The following PTPRT variants were observed in gnomAD, a reference collection of about 807,000 sequenced individuals.
PTPRT encodes the protein protein tyrosine phosphatase receptor type T, also known as receptor-type tyrosine-protein phosphatase T.
In PTPRT, 56 loss-of-function variants were observed where a neutral mutation model predicts 176.8. The ratio of observed to expected loss-of-function variants is 0.32; its 90% confidence interval spans 0.26 to 0.40. The LOEUF (loss-of-function observed/expected upper bound fraction) is 0.40, where lower values mean the gene tolerates loss of function less well. Ranked by LOEUF, PTPRT falls within the 10% of genes least tolerant of loss-of-function variation. The pLI is 1.00. For missense variants in PTPRT, 1,540 were observed against 1,908.2 expected (o/e 0.81, Z 3.60); for synonymous variants, 783 against 739.0 (o/e 1.06, Z -0.96).
intron 8 of PTPRT, among the ~76,000 whole-genome samples, chr20:42,452,456 T>C (rs1336621187): frequency 1.3e-5 from 2 of 152,084 alleles, no homozygotes; most frequent in African/African-American, 4.8e-5. Context: ...AGTGTCCTAA[T>C]GGCTCTGTTT....
intron 7 of PTPRT, among the ~76,000 whole-genome samples, chr20:42,635,922 A>C (rs1168701962): frequency 6.6e-6 from 1 of 152,178 alleles, no homozygotes; most frequent in African/African-American, 2.4e-5. Flanking sequence ...ACTTGCATAC[A>C]GTGTAGTTAT....
intron 2 of PTPRT, among the ~76,000 whole-genome samples, chr20:42,878,262 T>C (rs536590952): frequency 6.6e-6 from 1 of 152,310 alleles, no homozygotes; most frequent in South Asian, 2.1e-4. Flanking sequence ...ATGAAACCTT[T>C]AGAAAACATG....
the PTPRT span, among the ~76,000 whole-genome samples, chr20:42,038,018 A>G: frequency 6.6e-6 from 1 of 151,954 alleles, no homozygotes; most frequent in South Asian, 2.1e-4. Context: ...TCATCACCAC[A>G]CCCTACAGGG....
chr20:42,137,780 A>G (rs2146399416), intron 18 of PTPRT, among the ~76,000 whole-genome samples: 1 of 152,362 alleles, frequency 6.6e-6, no homozygotes, highest in African/African-American at 2.4e-5. Flanking sequence ...CTGATGGGTG[A>G]GAACCTGAAG....
chr20:42,289,130 T>C (rs985584284), intron 12 of PTPRT, among the ~76,000 whole-genome samples: 2 of 152,092 alleles, frequency 1.3e-5, no homozygotes, highest in Non-Finnish European at 1.5e-5. Flanking sequence ...TAATTCAAAA[T>C]GGATTAAAGA....
chr20:42,301,655 G>A (rs1472316651), intron 12 of PTPRT, among the ~76,000 whole-genome samples: 1 of 152,158 alleles, frequency 6.6e-6, no homozygotes, highest in Non-Finnish European at 1.5e-5. Flanking sequence ...GACAAATAGG[G>A]GAAGAAGAGA....
the PTPRT span, among the ~76,000 whole-genome samples, chr20:42,067,462 C>A: frequency 3.1e-5 from 3 of 96,682 alleles, no homozygotes; most frequent in African/African-American, 1.3e-4. Context: ...ATGCATGGAT[C>A]CCAGATCCAC....
intron 13 of PTPRT, among the ~76,000 whole-genome samples, chr20:42,261,731 G>A (rs963299898): frequency 2.0e-5 from 3 of 152,130 alleles, no homozygotes; most frequent in Non-Finnish European, 4.4e-5. Flanking sequence ...ACCAGAGGCC[G>A]AGGCTCCCCT....
Position 42,889,617 on chromosome 20 carries a change from T to A in PTPRT, c.89-3685A>T, listed in dbSNP as rs531624245. Reference sequence around the variant, plus strand: ...AATGGGCTCCTGTTCTGCACTTTTATCACTCATACATGTCTGAATCCCAGC... The same window carrying A: ...AATGGGCTCCTGTTCTGCACTTTTAACACTCATACATGTCTGAATCCCAGC... On this transcript the variant is annotated intron_variant, in intron 1 of 30. Coordinates refer to ENST00000373187, the MANE Select transcript of PTPRT (RefSeq NM_007050.6). Among the ~76,000 whole-genome samples, 11 of 152,320 alleles carry A rather than the reference T, an allele frequency of 7.2e-5. No individual in the cohort carries two copies. In the South Asian group the frequency reaches 2.3e-3, roughly 32 times the overall value.
At chr20:42,109,887 T>TTTTG (rs1240462316) in intron 23 of PTPRT, among the ~76,000 whole-genome samples, 1 of 152,180 alleles carries the variant, frequency 6.6e-6, no homozygotes, top group East Asian at 1.9e-4. Flanking sequence ...CTGCTATTCC[T>TTTTG]TTTGTTAGCT....
intron 9 of PTPRT, among the ~76,000 whole-genome samples, chr20:42,440,773 G>A (rs567522007): frequency 3.3e-5 from 5 of 152,206 alleles, no homozygotes; most frequent in South Asian, 2.1e-4. Flanking sequence ...CACCATGCCC[G>A]GCCTGTATTA....
At chr20:42,610,541 T>C (rs543828034) in intron 7 of PTPRT, among the ~76,000 whole-genome samples, 1 of 152,128 alleles carries the variant, frequency 6.6e-6, no homozygotes, top group South Asian at 2.1e-4. Context: ...GATTTGAACT[T>C]GAAAACCTGA....
At chr20:42,427,152 G>A (rs1160956004) in intron 9 of PTPRT, among the ~76,000 whole-genome samples, 1 of 152,162 alleles carries the variant, frequency 6.6e-6, no homozygotes, top group Non-Finnish European at 1.5e-5. Context: ...CATTGATTTA[G>A]AAAGTAAAAT....
At chr20:42,830,170 T>C (rs1277205508) in intron 2 of PTPRT, among the ~76,000 whole-genome samples, 1 of 152,152 alleles carries the variant, frequency 6.6e-6, no homozygotes, top group Non-Finnish European at 1.5e-5. Flanking sequence ...CCAATATCCT[T>C]GAAGAACATT....
intron 16 of PTPRT, among the ~76,000 whole-genome samples, chr20:42,174,700 A>G (rs1222984695): frequency 2.0e-5 from 3 of 152,154 alleles, no homozygotes; most frequent in African/African-American, 7.2e-5. Context: ...AGGCTCACAC[A>G]ATACTCTCTG....
chr20:42,622,288 C>A (rs1303664634), intron 7 of PTPRT, among the ~76,000 whole-genome samples: 1 of 151,652 alleles, frequency 6.6e-6, no homozygotes, highest in Non-Finnish European at 1.5e-5. Context: ...GCTGCCCAGG[C>A]TGGAGTGCAG....
intron 7 of PTPRT, among the ~76,000 whole-genome samples, chr20:42,642,591 G>A (rs1275936623): frequency 6.6e-6 from 1 of 152,088 alleles, no homozygotes; most frequent in East Asian, 1.9e-4. Context: ...CCTCATAACA[G>A]CCTCCGGAGG....
intron 7 of PTPRT, among the ~76,000 whole-genome samples, chr20:42,594,331 CCT>C (rs1375372418): frequency 6.6e-6 from 1 of 152,032 alleles, no homozygotes; most frequent in Non-Finnish European, 1.5e-5. Flanking sequence ...GAAAAAAAAC[CCT>C]CTTTCTGTAA....
intron 1 of PTPRT, among the ~76,000 whole-genome samples, chr20:43,008,137 T>C (rs907846938): frequency 5.3e-5 from 8 of 152,174 alleles, no homozygotes; most frequent in African/African-American, 1.2e-4. Flanking sequence ...TCAAAATTCA[T>C]AGGTTGAAAT....
Sources: allele counts gnomAD v4.1 joint callset (sites outside exome capture counted in the v4.1 genomes callset), GRCh38; gene constraint gnomAD v4.1.1; transcripts MANE v1.5; gene names NCBI Gene and HGNC (gene_info 2026-07-23, HGNC 2026-07-21).